Variants in BPHL observed in about 807,000 individuals in gnomAD.
The protein encoded by BPHL is biphenyl hydrolase like, also known as serine hydrolase BPHL.
In BPHL, 27 loss-of-function variants were observed where a neutral mutation model predicts 31.2. The observed-to-expected ratio is 0.87, with a 90% CI of 0.64 to 1.19. The LOEUF is 1.19. Among genes scored for constraint, BPHL ranks in the 50% most tolerant of loss-of-function variants. The probability of loss-of-function intolerance (pLI) is 0.00; values close to 1 mark genes in which losing one functional copy is unlikely to be tolerated. For missense variants in BPHL, 356 were observed against 375.7 expected (o/e 0.95, Z 0.43); for synonymous variants, 150 against 146.8 (o/e 1.02, Z -0.16).
At chr6:3,127,170 G>A in intron 2 of BPHL, 72 bp from the exon 3 acceptor site, 1 of 1,059,850 alleles carries the variant, frequency 9.4e-7, no homozygotes, top group Non-Finnish European at 1.3e-6. Context: ...GATTGTTATT[G>A]CTTCTGTTTT....
intron 6 of BPHL, among the ~76,000 whole-genome samples, chr6:3,143,136 T>C (rs1451061537): frequency 6.6e-6 from 1 of 152,072 alleles, no homozygotes; most frequent in Non-Finnish European, 1.5e-5. Context: ...GAGAATCACT[T>C]GAACCTGGGA....
At chr6:3,134,306 T>C (rs540375079) in intron 4 of BPHL, among the ~76,000 whole-genome samples, 28 of 152,018 alleles carry the variant, frequency 1.8e-4, no homozygotes, top group African/African-American at 6.7e-4. Flanking sequence ...TAACCCCTTT[T>C]AGGGTAACTG....
intron 1 of BPHL, 53 bp downstream of exon 1, chr6:3,118,900 G>T: frequency 8.3e-7 from 1 of 1,212,058 alleles, no homozygotes; most frequent in Non-Finnish European, 1.0e-6. Flanking sequence ...CGCTCGAGGG[G>T]CGGCGGGAGG....
chr6:3,119,101 C>T (rs532429302), intron 1 of BPHL, among the ~76,000 whole-genome samples: 13 of 152,298 alleles, frequency 8.5e-5, no homozygotes, highest in African/African-American at 3.1e-4. Flanking sequence ...GAGGCTTGGG[C>T]TATAGAGTGC....
chr6:3,120,557 A>G (rs1019249572), intron 1 of BPHL, among the ~76,000 whole-genome samples: 1 of 152,214 alleles, frequency 6.6e-6, no homozygotes, highest in Non-Finnish European at 1.5e-5. Context: ...CAGTGTCAGT[A>G]GGTAAAAGGA....
chr6:3,145,295 G>A (rs1440162860), intron 6 of BPHL, among the ~76,000 whole-genome samples: 1 of 54,212 alleles, frequency 1.8e-5, no homozygotes, highest in Admixed American at 1.4e-4. Context: ...GTTCGGGTCC[G>A]AGTGCTGGTT....
rs1384273934 is a variant in BPHL, at chr6:3,137,427, G to C, written c.598G>C (p.Asp200His). 1 of 1,613,096 alleles carries C rather than the reference G, an allele frequency of 6.2e-7. No homozygotes were observed. Among genetic ancestry groups the C allele is most frequent in the African/African-American group, 1.3e-5 (1 of 74,532 alleles). The change falls in exon 5 of 7, where the codon GAC becomes CAC. Residue 200 changes from aspartate to histidine, a missense_variant. Coordinates refer to ENST00000380379, the MANE Select transcript of BPHL (RefSeq NM_004332.4). ...RKPLEALYGY[D>H]YFARTCEKWV... Reference sequence around the variant, plus strand: ...GCCTCTAGAAGCCCTCTATGGGTATGACTACTTTGCCAGAACCTGTGAAAA... The same window carrying C: ...GCCTCTAGAAGCCCTCTATGGGTATCACTACTTTGCCAGAACCTGTGAAAA...
Position 3,123,711 on chromosome 6 carries a change from G to C in BPHL, c.162G>C (p.Gln54His). 1 of 1,613,682 alleles carries C rather than the reference G, an allele frequency of 6.2e-7. No individual in the cohort carries two copies. The highest frequency in any genetic ancestry group is 8.5e-7 in the Non-Finnish European group (1 of 1,179,784). The change falls in exon 2 of 7, where the codon CAG (glutamine) becomes CAC (histidine). Residue 54 changes from glutamine (Q) to histidine (H), a missense_variant. By Grantham distance (24) the Gln-to-His change is conservative. Coordinates refer to ENST00000380379, the MANE Select transcript of BPHL (RefSeq NM_004332.4). ...VAVNGVQLHY[Q>H]QTGEGDHAVL... ...TGAATGGCGTTCAGCTGCATTACCA[G>C]CAGACTGGAGAGGGAGATCACGCAG...
Position 3,127,319 on chromosome 6 carries a change from C to G in BPHL, c.289C>G (p.Arg97Gly), listed in dbSNP as rs200824341. The change falls in exon 3 of 7, where the codon CGA becomes GGA. Residue 97 changes from arginine to glycine, a missense_variant. Physicochemically the swap from Arg to Gly is moderately radical, Grantham distance 125. Transcript: ENST00000380379. ...CTTCACGGTGGTCGCCTGGGATCCT[C>G]GAGGCTATGGACATTCCAGGCCCCC... Reference protein sequence around the residue: ...KLFTVVAWDPRGYGHSRPPDR... With the variant: ...KLFTVVAWDPGGYGHSRPPDR... 3.3e-5 allele frequency: 50 copies of G among 1,503,892 alleles called. No individual in the cohort carries two copies. Among genetic ancestry groups the G allele is most frequent in the Non-Finnish European group, 4.3e-5 (48 of 1,122,090 alleles). 93.2% of individuals were successfully genotyped at this position (1,503,892 alleles called of 1,614,324 possible).
At position 3,152,719 on chromosome 6, in the gene BPHL, C is replaced by A. The variant is rs1762559682; in HGVS notation, c.*144C>A. The A allele has an allele frequency of 1.4e-6, 1 of 701,296 alleles. No individual in the cohort carries two copies. Among genetic ancestry groups the A allele is most frequent in the Non-Finnish European group, 2.3e-6 (1 of 437,114 alleles). 43.4% of individuals were successfully genotyped at this position (701,296 alleles called of 1,614,324 possible). ...TATCCTAACCAAATGAGAATAATGA[C>A]ATATTGAAAACAGCCTCTAGCTTCA... On this transcript the variant is annotated 3_prime_UTR_variant, in exon 7 of 7. Coordinates refer to ENST00000380379, the MANE Select transcript of BPHL (RefSeq NM_004332.4).
At position 3,149,755 on chromosome 6, in the gene BPHL, G is replaced by A. The variant is rs542974141; in HGVS notation, c.789-2733G>A. On this transcript the variant is annotated intron_variant, in intron 6 of 6. Coordinates refer to ENST00000380379, the MANE Select transcript of BPHL (RefSeq NM_004332.4). This position sits in a 1 kb window ranked among gnomAD's most constrained non-coding sequence, Gnocchi z 4.6. ...TCAAGTGATTCTGCCTCAGCCTCCC[G>A]AGTAGCTGGGATTATAGGCGCGCAT... Among the ~76,000 whole-genome samples the A allele has an allele frequency of 1.6e-4, 25 of 152,130 alleles. No individual in the cohort carries two copies. The highest frequency in any genetic ancestry group is 5.3e-4 in the African/African-American group (22 of 41,482).
chr6:3,146,289 G>GT (rs1561801004), intron 6 of BPHL, among the ~76,000 whole-genome samples: 4 of 63,410 alleles, frequency 6.3e-5, no homozygotes, highest in Non-Finnish European at 7.3e-5. Flanking sequence ...GCTGGTTCGG[G>GT]TCGAGTGCTG....
rs760569726 is a variant in BPHL, at chr6:3,127,384, A to G, written c.354A>G (p.Ala118=). The part of the protein sequence containing the change: ...DFPADFFERD[A]KDAVDLMKAL... ...CAGCAGACTTTTTTGAAAGGGATGC[A>G]AAAGATGCTGTTGATTTGATGAAGG... Residue 118 remains alanine (A), a synonymous_variant, in exon 3 of 7, where the codon GCA becomes GCG. Transcript: ENST00000380379. 1.4e-5 allele frequency: 22 copies of G among 1,607,768 alleles called. No homozygotes were observed. The highest frequency in any genetic ancestry group is 1.9e-5 in the Non-Finnish European group (22 of 1,176,018).
intron 4 of BPHL, among the ~76,000 whole-genome samples, chr6:3,135,401 G>C (rs1292721895): frequency 6.6e-6 from 1 of 152,210 alleles, no homozygotes; most frequent in East Asian, 1.9e-4. Flanking sequence ...TCGGAGTGAT[G>C]TGTCTTAACT....
intron 2 of BPHL, among the ~76,000 whole-genome samples, chr6:3,126,492 AAAGG>A (rs1387530183): frequency 6.6e-6 from 1 of 152,182 alleles, no homozygotes; most frequent in African/African-American, 2.4e-5. Flanking sequence ...ATACAGAAGC[AAAGG>A]AAGACCCAGG....
chr6:3,138,376 T>G (rs1258316764), intron 5 of BPHL: 1 of 162,750 alleles, frequency 6.1e-6, no homozygotes, highest in Non-Finnish European at 1.3e-5. Context: ...ATTGACATCT[T>G]TAAGAGAAAT....
intron 4 of BPHL, 98 bp downstream of exon 4, chr6:3,129,296 C>T (rs1167660053): frequency 4.3e-6 from 6 of 1,381,364 alleles, no homozygotes; most frequent in Admixed American, 3.2e-5. Context: ...ACACATCTCT[C>T]GTGCTTCTAG....
chr6:3,140,532 C>A lies in BPHL; in HGVS notation c.788+23C>A. On this transcript the variant is annotated intron_variant, in intron 6 of 6. Coordinates refer to ENST00000380379, the MANE Select transcript of BPHL (RefSeq NM_004332.4). This position sits in a 1 kb window ranked among gnomAD's most constrained non-coding sequence, Gnocchi z 5.2. ...ACGGTAAGTCCTGTCACCGCCTTCACACTCCCCCCGAGAGCCTCGGAGTCA... is the reference window on the plus strand; with the variant it reads ...ACGGTAAGTCCTGTCACCGCCTTCAAACTCCCCCCGAGAGCCTCGGAGTCA... The A allele has an allele frequency of 6.2e-7, 1 of 1,611,910 alleles. No homozygotes were observed. The highest frequency in any genetic ancestry group is 8.5e-7 in the Non-Finnish European group (1 of 1,179,640).
At position 3,124,582 on chromosome 6, in the gene BPHL, A is replaced by G. The variant is rs189733605; in HGVS notation, c.211+822A>G. Among the ~76,000 whole-genome samples the G allele has an allele frequency of 8.0e-3, 1,215 of 152,160 alleles. 10 individuals carry two copies. The highest frequency in any genetic ancestry group is 0.028 in the South Asian group (137 of 4,822). ...CATGTTCTCCTGTATACTTTAAGTC[A>G]TGTCTAGATTACTTACCATATCTCA... On this transcript the variant is annotated intron_variant, in intron 2 of 6. Coordinates refer to ENST00000380379, the MANE Select transcript of BPHL (RefSeq NM_004332.4).
Sources: allele counts gnomAD v4.1 joint callset (sites outside exome capture counted in the v4.1 genomes callset), GRCh38; gene constraint gnomAD v4.1.1; non-coding constraint Gnocchi (gnomAD v3.1); transcripts MANE v1.5; gene names NCBI Gene and HGNC (gene_info 2026-07-23, HGNC 2026-07-21).